MAN1C1: variants seen among roughly 807,000 people sequenced by gnomAD.
MAN1C1 encodes mannosidase alpha class 1C member 1, also known as mannosyl-oligosaccharide 1,2-alpha-mannosidase IC.
Under a neutral mutation model 71.5 loss-of-function variants are expected in MAN1C1, and 49 were observed. The observed-to-expected ratio is 0.69, with a 90% CI of 0.54 to 0.87. The LOEUF (loss-of-function observed/expected upper bound fraction) is 0.87, where lower values mean the gene tolerates loss of function less well. MAN1C1 is among the 40% of genes least tolerant of loss of function. The pLI is 0.00. For missense variants in MAN1C1, 743 were observed against 835.0 expected (o/e 0.89, Z 1.36); for synonymous variants, 352 against 343.7 (o/e 1.02, Z -0.27).
intron 1 of MAN1C1, among the ~76,000 whole-genome samples, chr1:25,626,019 G>T (rs2045288270): frequency 2.0e-5 from 3 of 152,128 alleles, no homozygotes; most frequent in Admixed American, 6.5e-5. Context: ...CTTTTGAGTT[G>T]TTCTGGCTAT....
chr1:25,761,684 C>G (rs1214324651), intron 6 of MAN1C1: 2 of 129,284 alleles, frequency 1.5e-5, no homozygotes, highest in East Asian at 5.1e-4. Flanking sequence ...AGTGCAGTGG[C>G]ACTATCTCGG....
Position 25,716,452 on chromosome 1 carries a change from C to T in MAN1C1, c.637+29916C>T, listed in dbSNP as rs2046682526. Among the ~76,000 whole-genome samples, 3 of 152,208 alleles carry T rather than the reference C, an allele frequency of 2.0e-5. No homozygotes were observed. In the South Asian group the frequency reaches 6.2e-4, roughly 31 times the overall value. On this transcript the variant is annotated intron_variant, in intron 2 of 11. Coordinates refer to ENST00000374332, the MANE Select transcript of MAN1C1 (RefSeq NM_020379.4). The stretch of plus-strand genomic sequence containing the variant: ...GGCTTAAGCCATCCTCCCACCTCAG[C>T]CTTCTGAGCAGCTGGGACCACAGGC...
chr1:25,781,220 T>A lies in MAN1C1; in HGVS notation c.1650+108T>A, dbSNP rs528732097. On this transcript the variant is annotated intron_variant, in intron 10 of 11. Coordinates refer to ENST00000374332, the MANE Select transcript of MAN1C1 (RefSeq NM_020379.4). Reference sequence around the variant, plus strand: ...GCCTGGAGTGGAAGGCCAAGCCACGTTGACCTCTGACCACAGTTCAGAGTG... The same window carrying A: ...GCCTGGAGTGGAAGGCCAAGCCACGATGACCTCTGACCACAGTTCAGAGTG... 1.2e-5 allele frequency: 15 copies of A among 1,210,006 alleles called. No individual in the cohort carries two copies. In the African/African-American group the frequency reaches 1.8e-4, roughly 15 times the overall value. The allele number at this position is 1,210,006 out of a possible 1,614,324, so 75.0% of individuals were successfully genotyped here. A position where few individuals can be genotyped will look rare whatever the true frequency, so the allele number is the denominator to read the frequency against.
At chr1:25,692,363 T>C (rs2046320318) in intron 2 of MAN1C1, among the ~76,000 whole-genome samples, 1 of 152,226 alleles carries the variant, frequency 6.6e-6, no homozygotes, top group Admixed American at 6.5e-5. Context: ...CCAGGCACCA[T>C]AGCTGTATTC....
rs556939319 is a variant in MAN1C1 at position 25,642,274 on chromosome 1, G to A, written c.540+23937G>A. 2.1e-3 allele frequency among the ~76,000 whole-genome samples: 316 copies of A among 152,256 alleles called. 1 individual carries two copies. The highest frequency in any genetic ancestry group is 3.9e-3 in the African/African-American group (160 of 41,514). On this transcript the variant is annotated intron_variant, in intron 1 of 11. Transcript: ENST00000374332. ...CAGAGATCCTGAGGGCAACAAAGCC[G>A]GTGGTCATCTGTAAAATCCAGTAAC...
At chr1:25,703,243 G>A (rs897636048) in intron 2 of MAN1C1, among the ~76,000 whole-genome samples, 1 of 152,236 alleles carries the variant, frequency 6.6e-6, no homozygotes, top group African/African-American at 2.4e-5. Context: ...TGGGTGCTGA[G>A]GCTGTTGCCT....
intron 1 of MAN1C1, among the ~76,000 whole-genome samples, chr1:25,668,690 G>A (rs191451333): frequency 9.0e-4 from 137 of 152,032 alleles, no homozygotes; most frequent in African/African-American, 2.9e-3. Flanking sequence ...CGAGTAGCTG[G>A]GACTACAGAC....
intron 2 of MAN1C1, among the ~76,000 whole-genome samples, chr1:25,707,236 G>A (rs181044264): frequency 4.4e-4 from 67 of 152,262 alleles, no homozygotes; most frequent in Non-Finnish European, 7.9e-4. Context: ...CCATCAGCAC[G>A]AGGCAGAGAT....
At position 25,778,489 on chromosome 1, in the gene MAN1C1, TACCCTG is replaced by T. The variant is rs1027146292; in HGVS notation, c.1477+167_1477+172del. Among the ~76,000 whole-genome samples the T allele has an allele frequency of 1.3e-5, 2 of 152,138 alleles. No individual in the cohort carries two copies. The highest frequency in any genetic ancestry group is 2.9e-5 in the Non-Finnish European group (2 of 68,012). On this transcript the variant is annotated intron_variant, in intron 9 of 11. Coordinates refer to ENST00000374332, the MANE Select transcript of MAN1C1 (RefSeq NM_020379.4). The surrounding 1 kb of genome is among the most constrained non-coding windows in gnomAD (Gnocchi z 5.5). ...AGGTACTCTCCAGGCTCCGAGACCA[TACCCTG>T]AATGAAAGGGAAACTAGTACAGACA...
intron 1 of MAN1C1, among the ~76,000 whole-genome samples, chr1:25,621,951 GA>G (rs150679959): frequency 0.023 from 3,428 of 152,238 alleles, 51 homozygotes; most frequent in Non-Finnish European, 0.031. Flanking sequence ...TTGTTCTGGG[GA>G]ACCTCAGTTC....
intron 1 of MAN1C1, among the ~76,000 whole-genome samples, chr1:25,633,535 CTT>C (rs766455245): frequency 2.0e-5 from 2 of 102,200 alleles, no homozygotes. Flanking sequence ...CCTTGTTTGT[CTT>C]TTTTTTTTTT....
In MAN1C1 at chr1:25,696,169, G is replaced by A. The variant is rs181652041; in HGVS notation, c.637+9633G>A. 2.6e-3 allele frequency among the ~76,000 whole-genome samples: 403 copies of A among 152,328 alleles called. 1 individual carries two copies. Among genetic ancestry groups the A allele is most frequent in the African/African-American group, 8.5e-3 (355 of 41,578 alleles). On this transcript the variant is annotated intron_variant, in intron 2 of 11. Coordinates refer to ENST00000374332, the MANE Select transcript of MAN1C1 (RefSeq NM_020379.4). The stretch of plus-strand genomic sequence containing the variant: ...TTTCCTTCCTTAGAAACAAGGCTGA[G>A]CCTACAGCAAGAGCCTCCTTTTCTT...
At chr1:25,683,467 G>T (rs2046183774) in intron 1 of MAN1C1, among the ~76,000 whole-genome samples, 1 of 152,220 alleles carries the variant, frequency 6.6e-6, no homozygotes, top group South Asian at 2.1e-4. Context: ...TGGATGCATT[G>T]TGGGGCATGT....
intron 2 of MAN1C1, among the ~76,000 whole-genome samples, chr1:25,689,229 G>A (rs2046274320): frequency 6.6e-6 from 1 of 152,166 alleles, no homozygotes; most frequent in Non-Finnish European, 1.5e-5. Flanking sequence ...CCTCTTGGGG[G>A]TCTGTCTAGG....
At chr1:25,774,792 A>G (rs1370938049) in intron 8 of MAN1C1, among the ~76,000 whole-genome samples, 7 of 151,510 alleles carry the variant, frequency 4.6e-5, no homozygotes, top group African/African-American at 1.7e-4. Context: ...CTGCTCCACA[A>G]GGAACAGCAC....
chr1:25,764,637 C>T lies in MAN1C1; in HGVS notation c.1141+670C>T, dbSNP rs1281049581. Reference sequence around the variant, plus strand: ...GTAGAGATGTTGGCCAAGCTGGTCTCGAACTCCTGACCTCAAATGATCCAA... The same window carrying T: ...GTAGAGATGTTGGCCAAGCTGGTCTTGAACTCCTGACCTCAAATGATCCAA... On this transcript the variant is annotated intron_variant, in intron 7 of 11. Transcript: ENST00000374332. This position sits in a 1 kb window ranked among gnomAD's most constrained non-coding sequence, Gnocchi z 4.4. Among the ~76,000 whole-genome samples, 3 of 151,922 alleles carry T rather than the reference C, an allele frequency of 2.0e-5. No individual in the cohort carries two copies. The highest frequency in any genetic ancestry group is 2.1e-4 in the South Asian group (1 of 4,804).
intron 1 of MAN1C1, among the ~76,000 whole-genome samples, chr1:25,651,714 G>A (rs2045695411): frequency 6.6e-6 from 1 of 152,206 alleles, no homozygotes; most frequent in Non-Finnish European, 1.5e-5. Context: ...GTTCAAAGGT[G>A]TTATAATCCC....
intron 1 of MAN1C1, among the ~76,000 whole-genome samples, chr1:25,675,589 G>T (rs111300678): frequency 2.2e-4 from 32 of 144,560 alleles, no homozygotes; most frequent in East Asian, 1.1e-3. Context: ...TTTTGCGGGG[G>T]GGGGGGGAGG....
intron 1 of MAN1C1, among the ~76,000 whole-genome samples, chr1:25,678,422 T>A (rs563244875): frequency 6.6e-6 from 1 of 152,330 alleles, no homozygotes; most frequent in East Asian, 1.9e-4. Flanking sequence ...ATTTTGTTAG[T>A]TTTATCTCCC....
Sources: allele counts gnomAD v4.1 joint callset (sites outside exome capture counted in the v4.1 genomes callset), GRCh38; gene constraint gnomAD v4.1.1; non-coding constraint Gnocchi (gnomAD v3.1); transcripts MANE v1.5; gene names NCBI Gene and HGNC (gene_info 2026-07-23, HGNC 2026-07-21).